The following CPT2 variants were observed in gnomAD, a reference collection of about 807,000 sequenced individuals.
CPT2 encodes carnitine palmitoyltransferase 2.
In CPT2, 37 loss-of-function variants were observed where a neutral mutation model predicts 48.6. That is an observed-to-expected ratio of 0.76 (90% CI 0.59 to 1.00). CPT2 has a LOEUF of 1.00. Among genes scored for constraint, CPT2 ranks in the 50% least tolerant of loss-of-function variants. The pLI, the probability that CPT2 is intolerant of heterozygous loss-of-function variation, is 0.00. For missense variants in CPT2, 772 were observed against 825.6 expected, an observed-to-expected ratio of 0.94 and a Z score of 0.80; for synonymous variants, 319 against 326.9, an observed-to-expected ratio of 0.98 and a Z score of 0.26.
chr1:53,197,210 C>T, intron 1 of CPT2, 115 bp downstream of exon 1: 1 of 1,294,358 alleles, frequency 7.7e-7, no homozygotes, highest in Non-Finnish European at 1.1e-6. Flanking sequence ...AAGCCCCTAC[C>T]ATGGAGGCTG....
chr1:53,202,533 C>G, intron 3 of CPT2, 104 bp downstream of exon 3: 1 of 925,510 alleles, frequency 1.1e-6, no homozygotes, highest in Non-Finnish European at 1.8e-6. Context: ...TTTGGTGAGA[C>G]CAGCAAATGA....
intron 4 of CPT2, among the ~76,000 whole-genome samples, chr1:53,212,466 C>T (rs1270732331): frequency 1.3e-5 from 2 of 152,180 alleles, no homozygotes; most frequent in Non-Finnish European, 2.9e-5. Flanking sequence ...TCCCAAAGCA[C>T]TAGGATTATA....
chr1:53,204,197 CTGT>C (rs1645372007), intron 3 of CPT2: 1 of 151,824 alleles, frequency 6.6e-6, no homozygotes, highest in Middle Eastern at 3.2e-3. Context: ...TTTTTTTTCT[CTGT>C]TTTTTCTTTG....
rs1367602906 is a variant in CPT2, at chr1:53,213,436, C to T, written c.1818C>T (p.Val606=). 6.2e-7 allele frequency: 1 copy of T among 1,614,252 alleles called. No individual in the cohort carries two copies. Among genetic ancestry groups the T allele is most frequent in the Admixed American group, 1.7e-5 (1 of 60,026 alleles). ...ACCTTGGGGGCTTTGCCCCTGTGGT[C>T]TCTGATGGCTTTGGTGTTGGGTATG... ...AVNLGGFAPV[V]SDGFGVGYAV... Residue 606 remains valine, a synonymous_variant, in exon 5 of 5, where the codon GTC becomes GTT. Coordinates refer to ENST00000371486, the MANE Select transcript of CPT2 (RefSeq NM_000098.3).
chr1:53,202,173 G>C (rs373323325), intron 2 of CPT2, 150 bp from the exon 3 acceptor site: 21 of 672,698 alleles, frequency 3.1e-5, no homozygotes, highest in East Asian at 3.0e-4. Flanking sequence ...ATTGATTCCT[G>C]TTCTGGTTAG....
chr1:53,210,301 G>T lies in CPT2; in HGVS notation c.627G>T (p.Ala209=), dbSNP rs774374525. 6.2e-7 allele frequency: 1 copy of T among 1,614,138 alleles called. No individual in the cohort carries two copies. Among genetic ancestry groups the T allele is most frequent in the Admixed American group, 1.7e-5 (1 of 60,018 alleles). Residue 209 remains alanine (A), a synonymous_variant, in exon 4 of 5, where the codon GCG becomes GCT. Transcript: ENST00000371486. ...LSWYGAYLVN[A]YPLDMSQYFR... is the part of the protein sequence containing the mutation. ...GGTATGGGGCCTACCTGGTCAATGC[G>T]TATCCCCTGGATATGTCCCAGTATT...
chr1:53,205,232 G>A (rs1351351573), intron 3 of CPT2, among the ~76,000 whole-genome samples: 2 of 152,160 alleles, frequency 1.3e-5, no homozygotes, highest in Non-Finnish European at 2.9e-5. Context: ...TGGAGATGAG[G>A]AACTTATTGG....
At position 53,211,140 on chromosome 1, in the gene CPT2, G is replaced by A; in HGVS notation, c.1466G>A (p.Cys489Tyr). The A allele has an allele frequency of 1.2e-6, 2 of 1,613,368 alleles. No individual in the cohort carries two copies. Among genetic ancestry groups the A allele is most frequent in the Non-Finnish European group, 1.7e-6 (2 of 1,179,474 alleles). ...CAGACAGTGGCCACCTACGAGTCCT[G>A]TAGCACTGCCGCATTCAAGCACGGC... ...YGQTVATYES[C>Y]STAAFKHGRT... Residue 489 changes from cysteine to tyrosine, a missense_variant, in exon 4 of 5, where the codon TGT becomes TAT. By Grantham distance (194) the Cys-to-Tyr change is radical (BLOSUM62 -2). Transcript: ENST00000371486.
At chr1:53,201,374 T>G (rs763410033) in intron 2 of CPT2, 3 of 160,214 alleles carry the variant, frequency 1.9e-5, no homozygotes, top group Non-Finnish European at 4.1e-5. Flanking sequence ...GCAGAGATTG[T>G]GTCCTCTGCC....
In CPT2 at chr1:53,205,480, A is replaced by G. The variant is rs564429079; in HGVS notation, c.340+3051A>G. Among the ~76,000 whole-genome samples the G allele has an allele frequency of 5.9e-5, 9 of 152,362 alleles. No individual in the cohort carries two copies. In the South Asian group the frequency reaches 1.9e-3, roughly 32 times the overall value. On this transcript the variant is annotated intron_variant, in intron 3 of 4. Coordinates refer to ENST00000371486, the MANE Select transcript of CPT2 (RefSeq NM_000098.3). Reference sequence around the variant, plus strand: ...ATGTTTAAAAGGGAAGCAGAGCATAAAAGTTTGGACAATTTGCAGCCTGAC... The same window carrying G: ...ATGTTTAAAAGGGAAGCAGAGCATAGAAGTTTGGACAATTTGCAGCCTGAC...
rs780887186 is a variant in CPT2, at chr1:53,202,297, AT to A, written c.234-22del. ...ATCATGTATTCCCTACCATGGTTTGATTTTGTCTTTTCTTGAATGTTTTAGG... is the reference window on the plus strand; with the variant it reads ...ATCATGTATTCCCTACCATGGTTTGATTTGTCTTTTCTTGAATGTTTTAGG... On this transcript the variant is annotated intron_variant, in intron 2 of 4. Transcript: ENST00000371486. The A allele has an allele frequency of 3.8e-6, 6 of 1,582,820 alleles. No homozygotes were observed. In the Admixed American group the frequency reaches 1.0e-4, roughly 26 times the overall value.
chr1:53,197,422 A>T (rs1049369926), intron 1 of CPT2: 3 of 428,282 alleles, frequency 7.0e-6, no homozygotes, highest in Non-Finnish European at 1.3e-5. Context: ...CCAGACCTGC[A>T]TATTTCCAGC....
intron 3 of CPT2, among the ~76,000 whole-genome samples, chr1:53,205,520 G>GA (rs1645382056): frequency 6.6e-6 from 1 of 152,150 alleles, no homozygotes; most frequent in Admixed American, 6.5e-5. Context: ...CAGTAGAAAA[G>GA]AAAAACCCAT....
At chr1:53,202,503 GT>G in intron 3 of CPT2, 74 bp downstream of exon 3, 1 of 1,238,742 alleles carries the variant, frequency 8.1e-7, no homozygotes, top group Non-Finnish European at 1.2e-6. Context: ...ATTCTCTCCT[GT>G]TTTGGTCTCA....
chr1:53,204,106 G>C (rs543864032), intron 3 of CPT2: 3 of 152,244 alleles, frequency 2.0e-5, no homozygotes, highest in Admixed American at 1.3e-4. Flanking sequence ...GGGCCACTCT[G>C]TGAGTCCTTT....
intron 1 of CPT2, chr1:53,200,446 G>A (rs894978191): frequency 1.4e-5 from 5 of 363,590 alleles, no homozygotes; most frequent in Non-Finnish European, 2.6e-5. Context: ...TCTTGGGGCA[G>A]CTTCTGCTTC....
chr1:53,206,182 CAAAAA>C (rs951448638), intron 3 of CPT2, among the ~76,000 whole-genome samples: 3 of 58,926 alleles, frequency 5.1e-5, no homozygotes, highest in South Asian at 5.8e-4. Flanking sequence ...GACTCCATTT[CAAAAA>C]AAAAAAAAAA....
At chr1:53,197,247 G>C (rs1645329544) in intron 1 of CPT2, 152 bp downstream of exon 1, 1 of 976,870 alleles carries the variant, frequency 1.0e-6, no homozygotes, top group East Asian at 2.6e-5. Context: ...GGAAGTCTTG[G>C]GACTTTTCAC....
chr1:53,204,495 T>C (rs532302846), intron 3 of CPT2, among the ~76,000 whole-genome samples: 29 of 152,336 alleles, frequency 1.9e-4, no homozygotes, highest in African/African-American at 6.7e-4. Context: ...GCTTTTCTTC[T>C]GTTTGCTTTG....
Sources: gnomAD v4.1 joint callset for allele counts (sites outside exome capture counted in the v4.1 genomes callset) on GRCh38, gnomAD v4.1.1 for gene constraint, MANE v1.5 for transcripts, NCBI Gene and HGNC (gene_info 2026-07-23, HGNC 2026-07-21) for gene names.